NBEAL1: variants seen among roughly 807,000 people sequenced by gnomAD.
The protein encoded by NBEAL1 is neurobeachin-like protein 1.
In NBEAL1, 273 loss-of-function variants were observed where a neutral mutation model predicts 351.3. The observed-to-expected ratio is 0.78, with a 90% confidence interval of 0.70 to 0.86. NBEAL1 has a LOEUF of 0.86. Ranked by LOEUF, NBEAL1 falls within the 40% of genes least tolerant of loss-of-function variation. NBEAL1 has a pLI of 0.00. For missense variants in NBEAL1, 2,961 were observed against 3,201.3 expected (o/e 0.92, Z 1.81); for synonymous variants, 1,050 against 1,086.4 (o/e 0.97, Z 0.66).
chr2:203,148,890 G>A, intron 33 of NBEAL1, 101 bp from the exon 34 acceptor site: 4 of 1,040,646 alleles, frequency 3.8e-6, no homozygotes, highest in Non-Finnish European at 5.2e-6. Flanking sequence ...TTCTCATAAT[G>A]CAAGATTTTA....
At position 203,223,108 on chromosome 2, in the gene NBEAL1, A is replaced by AG. The variant is rs2065968647; in HGVS notation, c.*5754_*5755insG. Among the ~76,000 whole-genome samples the AG allele has an allele frequency of 6.6e-6, 1 of 152,180 alleles. No homozygotes were observed. Among genetic ancestry groups the AG allele is most frequent in the South Asian group, 2.1e-4 (1 of 4,836 alleles). ...ATCTCCTTCGTTTGGTGATTATCTC[A>AG]TTGATCTTTGTCACACGTGAGTGAT... On this transcript the variant is annotated 3_prime_UTR_variant, in exon 56 of 56. Transcript: ENST00000683969.
intron 33 of NBEAL1, among the ~76,000 whole-genome samples, chr2:203,148,756 TGTTG>T (rs1159231526): frequency 6.6e-6 from 1 of 151,892 alleles, no homozygotes. Flanking sequence ...ACGTGTTTAT[TGTTG>T]GTTGGTTTTT....
intron 27 of NBEAL1, among the ~76,000 whole-genome samples, chr2:203,134,755 A>G (rs1475540912): frequency 6.6e-6 from 1 of 152,214 alleles, no homozygotes; most frequent in East Asian, 1.9e-4. Context: ...ACTGTTTACT[A>G]TTCTAGCTAA....
chr2:203,178,798 G>A (rs1315037438), intron 42 of NBEAL1, among the ~76,000 whole-genome samples: 1 of 152,162 alleles, frequency 6.6e-6, no homozygotes, highest in Non-Finnish European at 1.5e-5. Flanking sequence ...AATGGGCAGT[G>A]ACTGCTAACA....
At chr2:203,200,165 G>C (rs915716500) in intron 49 of NBEAL1, among the ~76,000 whole-genome samples, 2 of 152,010 alleles carry the variant, frequency 1.3e-5, no homozygotes, top group Non-Finnish European at 2.9e-5. Flanking sequence ...ACCACCTGAG[G>C]TCAGAAGTTC....
At chr2:203,122,961 G>A (rs776399850) in intron 19 of NBEAL1, among the ~76,000 whole-genome samples, 1 of 152,072 alleles carries the variant, frequency 6.6e-6, no homozygotes, top group Non-Finnish European at 1.5e-5. Flanking sequence ...ATTAGTAAAG[G>A]TTGTTTAGGG....
chr2:203,098,394 A>G (rs991101471), intron 11 of NBEAL1, among the ~76,000 whole-genome samples: 1 of 152,178 alleles, frequency 6.6e-6, no homozygotes, highest in African/African-American at 2.4e-5. Context: ...GTGAAATGCC[A>G]ATTTACAGAA....
At chr2:203,086,916 C>T (rs1574949960) in intron 10 of NBEAL1, among the ~76,000 whole-genome samples, 1 of 152,116 alleles carries the variant, frequency 6.6e-6, no homozygotes, top group African/African-American at 2.4e-5. Context: ...AAATCAATCT[C>T]GGCTTTTCCT....
rs59292249 is a variant in NBEAL1 at position 203,202,640 on chromosome 2, T to G, written c.7412-47T>G. The G allele has an allele frequency of 3.1e-3, 3,358 of 1,086,248 alleles. 130 individuals are homozygous for G. In the East Asian group the frequency reaches 0.074, roughly 24 times the overall value. The allele number at this position is 1,086,248 out of a possible 1,614,324, so 67.3% of individuals were successfully genotyped here. A position where few individuals can be genotyped will look rare whatever the true frequency, so the allele number is the denominator to read the frequency against. ...ACAAAAATTGCTCTTAAAGTTCTAT[T>G]TTAGCAAAACGAGGCATCTCATTTT... On this transcript the variant is annotated intron_variant, in intron 50 of 55. Coordinates refer to ENST00000683969, the MANE Select transcript of NBEAL1 (RefSeq NM_001378026.1).
At position 203,201,628 on chromosome 2, in the gene NBEAL1, C is replaced by G; in HGVS notation, c.7324C>G (p.Leu2442Val). 6.2e-7 allele frequency: 1 copy of G among 1,612,604 alleles called. No individual in the cohort carries two copies. The highest frequency in any genetic ancestry group is 8.5e-7 in the Non-Finnish European group (1 of 1,179,250). ...LFVVSHDAKL[L>V]FSAGYWDNSI... is the part of the protein sequence containing the mutation. ...TGTAGTATCACATGATGCAAAGTTGCTCTTCAGTGCTGGATACTGGGATAA... is the reference window on the plus strand; with the variant it reads ...TGTAGTATCACATGATGCAAAGTTGGTCTTCAGTGCTGGATACTGGGATAA... Residue 2442 changes from leucine to valine, a missense_variant, in exon 50 of 56, where the codon CTC (leucine) becomes GTC (valine). Coordinates refer to ENST00000683969, the MANE Select transcript of NBEAL1 (RefSeq NM_001378026.1).
intron 55 of NBEAL1, among the ~76,000 whole-genome samples, chr2:203,214,510 C>T (rs1480026188): frequency 6.6e-6 from 1 of 152,098 alleles, no homozygotes; most frequent in African/African-American, 2.4e-5. Flanking sequence ...CATGGTGGCT[C>T]ACGCCTGTAA....
chr2:203,168,664 G>C (rs574555729), intron 38 of NBEAL1, among the ~76,000 whole-genome samples: 3 of 152,198 alleles, frequency 2.0e-5, no homozygotes, highest in East Asian at 1.9e-4. Context: ...GGGAGGCCAA[G>C]GTGGCTGGAT....
At chr2:203,148,406 T>A (rs541708920) in intron 33 of NBEAL1, among the ~76,000 whole-genome samples, 2 of 152,196 alleles carry the variant, frequency 1.3e-5, no homozygotes, top group East Asian at 3.9e-4. Context: ...TCTAAAACTG[T>A]TTAAAATTTT....
At chr2:203,167,102 T>G in intron 37 of NBEAL1, 125 bp from the exon 38 acceptor site, 1 of 816,104 alleles carries the variant, frequency 1.2e-6, no homozygotes, top group Non-Finnish European at 1.9e-6. Flanking sequence ...TAACAAATGG[T>G]TTATATAGTA....
intron 12 of NBEAL1, among the ~76,000 whole-genome samples, chr2:203,105,340 C>A (rs1451123511): frequency 6.6e-6 from 1 of 151,964 alleles, no homozygotes; most frequent in Non-Finnish European, 1.5e-5. Context: ...GTGGCGGGCG[C>A]CTGTAGTCCC....
At chr2:203,192,924 T>G (rs1302577951) in intron 46 of NBEAL1, among the ~76,000 whole-genome samples, 1 of 151,414 alleles carries the variant, frequency 6.6e-6, no homozygotes, top group Non-Finnish European at 1.5e-5. Flanking sequence ...GCAGTACCTA[T>G]AATTTGATTC....
At chr2:203,051,583 G>T (rs2061323688) in intron 4 of NBEAL1, among the ~76,000 whole-genome samples, 1 of 151,418 alleles carries the variant, frequency 6.6e-6, no homozygotes. Context: ...GGTTTATTCA[G>T]GTAGTAAGAC....
chr2:203,155,849 G>A (rs1173038148), intron 35 of NBEAL1, among the ~76,000 whole-genome samples: 1 of 152,000 alleles, frequency 6.6e-6, no homozygotes, highest in Non-Finnish European at 1.5e-5. Context: ...ACCTTTAAAT[G>A]ATGATGTTCC....
chr2:203,115,902 A>G (rs1559376909), intron 17 of NBEAL1, 83 bp from the exon 18 acceptor site: 3 of 886,752 alleles, frequency 3.4e-6, no homozygotes, highest in Non-Finnish European at 3.4e-6. Context: ...AAACAGCTTA[A>G]TTTTAAATTT....
Sources: gnomAD v4.1 joint callset for allele counts (sites outside exome capture counted in the v4.1 genomes callset) on GRCh38, gnomAD v4.1.1 for gene constraint, MANE v1.5 for transcripts, NCBI Gene and HGNC (gene_info 2026-07-23, HGNC 2026-07-21) for gene names.